The following CADPS2 variants were observed in gnomAD, a reference collection of about 807,000 sequenced individuals.
CADPS2 encodes the protein calcium-dependent secretion activator 2.
In CADPS2, 93 loss-of-function variants were observed where a neutral mutation model predicts 172.5. That is an observed-to-expected ratio of 0.54 (90% CI 0.46 to 0.64). CADPS2 has a LOEUF of 0.64. Among genes scored for constraint, CADPS2 ranks in the 30% least tolerant of loss-of-function variants. CADPS2 has a pLI of 0.00. For missense variants in CADPS2, 1,420 were observed against 1,565.9 expected (o/e 0.91, Z 1.57); for synonymous variants, 546 against 555.2 (o/e 0.98, Z 0.23).
chr7:122,631,888 A>G (rs2076613789), intron 3 of CADPS2, among the ~76,000 whole-genome samples: 1 of 152,068 alleles, frequency 6.6e-6, no homozygotes, highest in Non-Finnish European at 1.5e-5. Context: ...TCCCATCTTT[A>G]TATCTATGTA....
intron 15 of CADPS2, among the ~76,000 whole-genome samples, chr7:122,443,937 A>C (rs1042978001): frequency 1.3e-5 from 2 of 152,104 alleles, no homozygotes; most frequent in Admixed American, 1.3e-4. Flanking sequence ...TGACATATGC[A>C]TATACTTGTG....
At chr7:122,497,688 AT>A (rs750190029) in intron 9 of CADPS2, among the ~76,000 whole-genome samples, 2 of 151,972 alleles carry the variant, frequency 1.3e-5, no homozygotes, top group Non-Finnish European at 2.9e-5. Flanking sequence ...GGGTTTACTC[AT>A]TTTCTTGCTG....
At chr7:122,579,678 C>A (rs1164729022) in intron 7 of CADPS2, among the ~76,000 whole-genome samples, 1 of 151,502 alleles carries the variant, frequency 6.6e-6, no homozygotes, top group African/African-American at 2.4e-5. Flanking sequence ...AAATGAAAAA[C>A]CCTGATTAAT....
At chr7:122,502,569 C>A (rs1311212066) in intron 9 of CADPS2, among the ~76,000 whole-genome samples, 6 of 151,730 alleles carry the variant, frequency 4.0e-5, no homozygotes. Context: ...GGACTAGAAC[C>A]TGTTTTATTG....
chr7:122,603,726 T>A (rs778209269), intron 6 of CADPS2, among the ~76,000 whole-genome samples: 6 of 152,118 alleles, frequency 3.9e-5, no homozygotes, highest in Non-Finnish European at 8.8e-5. Flanking sequence ...TTAAAACCAT[T>A]TGTACTGATA....
At position 122,665,912 on chromosome 7, in the gene CADPS2, T is replaced by C. The variant is rs191900099; in HGVS notation, c.454-2343A>G. Among the ~76,000 whole-genome samples the C allele has an allele frequency of 3.1e-3, 467 of 152,332 alleles. 1 individual carries two copies. Among genetic ancestry groups the C allele is most frequent in the Middle Eastern group, 6.8e-3 (2 of 294 alleles). Reference sequence around the variant, plus strand: ...AATTAATTCTTAAGTGACAGGTATATGCATAGTGCTTTAAATATTCATGTA... The same window carrying C: ...AATTAATTCTTAAGTGACAGGTATACGCATAGTGCTTTAAATATTCATGTA... On this transcript the variant is annotated intron_variant, in intron 2 of 29. Coordinates refer to ENST00000449022, the MANE Select transcript of CADPS2 (RefSeq NM_017954.11).
chr7:122,440,656 T>C (rs1053745593), intron 16 of CADPS2, among the ~76,000 whole-genome samples: 7 of 152,178 alleles, frequency 4.6e-5, no homozygotes, highest in African/African-American at 9.6e-5. Context: ...TCTTTGCTTT[T>C]TAATAGAGAT....
At chr7:122,388,263 C>T (rs575636228) in intron 23 of CADPS2, among the ~76,000 whole-genome samples, 13 of 151,938 alleles carry the variant, frequency 8.6e-5, no homozygotes, top group Admixed American at 2.0e-4. Context: ...CTTTTTCATA[C>T]GTCTCAGGAG....
chr7:122,735,894 G>C (rs1034407733), intron 2 of CADPS2, among the ~76,000 whole-genome samples: 1 of 152,072 alleles, frequency 6.6e-6, no homozygotes, highest in African/African-American at 2.4e-5. Context: ...AATTTTACAT[G>C]ATGAAATCTT....
intron 5 of CADPS2, among the ~76,000 whole-genome samples, chr7:122,617,484 C>T (rs1167624380): frequency 2.0e-5 from 3 of 152,122 alleles, no homozygotes; most frequent in African/African-American, 7.2e-5. Context: ...ATCTTCTCTT[C>T]CCCAGTCTCT....
At chr7:122,559,629 G>A (rs921679660) in intron 7 of CADPS2, among the ~76,000 whole-genome samples, 2 of 151,908 alleles carry the variant, frequency 1.3e-5, no homozygotes, top group African/African-American at 4.8e-5. Context: ...AAATTAGTCA[G>A]GCATGGTGGC....
intron 27 of CADPS2, 140 bp downstream of exon 27, chr7:122,360,648 G>T: frequency 1.4e-6 from 1 of 704,518 alleles, no homozygotes; most frequent in Non-Finnish European, 2.4e-6. Flanking sequence ...TGTTATGAAG[G>T]TTAGTGCTTG....
chr7:122,712,935 A>C (rs967414941), intron 2 of CADPS2, among the ~76,000 whole-genome samples: 2 of 151,918 alleles, frequency 1.3e-5, no homozygotes, highest in African/African-American at 4.8e-5. Flanking sequence ...CCCACCTCCT[A>C]ATACCATCAC....
intron 2 of CADPS2, among the ~76,000 whole-genome samples, chr7:122,727,812 C>G (rs2091261083): frequency 6.6e-6 from 1 of 151,886 alleles, no homozygotes; most frequent in South Asian, 2.1e-4. Flanking sequence ...AATTCTTACT[C>G]AACACTTAAT....
At chr7:122,392,935 G>C (rs375739348) in intron 22 of CADPS2, among the ~76,000 whole-genome samples, 2 of 152,020 alleles carry the variant, frequency 1.3e-5, no homozygotes, top group East Asian at 3.9e-4. Flanking sequence ...ACTTAGGGTA[G>C]AATGCCACCA....
chr7:122,881,645 C>T (rs1013370881), intron 1 of CADPS2, among the ~76,000 whole-genome samples: 2 of 152,116 alleles, frequency 1.3e-5, no homozygotes, highest in Non-Finnish European at 2.9e-5. Context: ...CATTTTTGGA[C>T]TATCATCAGA....
intron 9 of CADPS2, among the ~76,000 whole-genome samples, chr7:122,502,805 A>T (rs552329571): frequency 6.6e-6 from 1 of 152,170 alleles, no homozygotes; most frequent in South Asian, 2.1e-4. Context: ...TTATCTCTCA[A>T]ATGTCAGGAA....
chr7:122,553,435 T>C (rs142581909), intron 8 of CADPS2, among the ~76,000 whole-genome samples: 10 of 152,282 alleles, frequency 6.6e-5, no homozygotes, highest in African/African-American at 1.7e-4. Flanking sequence ...ATGCATAATG[T>C]TGTTTATCCA....
chr7:122,706,665 G>C (rs2087573121), intron 2 of CADPS2, among the ~76,000 whole-genome samples: 1 of 145,480 alleles, frequency 6.9e-6, no homozygotes, highest in Non-Finnish European at 1.5e-5. Context: ...ACAAGAGATA[G>C]GTAGAACATA....
Sources: gnomAD v4.1 joint callset for allele counts (sites outside exome capture counted in the v4.1 genomes callset) on GRCh38, gnomAD v4.1.1 for gene constraint, MANE v1.5 for transcripts, NCBI Gene and HGNC (gene_info 2026-07-23, HGNC 2026-07-21) for gene names.